DLG2: variants seen among roughly 807,000 people sequenced by gnomAD.
DLG2 encodes disks large homolog 2.
DLG2 carries 45 observed loss-of-function variants against 132.5 expected under a neutral mutation model. The ratio of observed to expected loss-of-function variants is 0.34; its 90% confidence interval spans 0.27 to 0.44. The LOEUF is 0.44. Among genes scored for constraint, DLG2 ranks in the 20% least tolerant of loss-of-function variants. The probability of loss-of-function intolerance (pLI) is 1.00; values close to 1 mark genes in which losing one functional copy is unlikely to be tolerated. For missense variants in DLG2, 1,045 were observed against 1,196.9 expected (o/e 0.87, Z 1.87); for synonymous variants, 424 against 419.6 (o/e 1.01, Z -0.13).
chr11:84,518,576 G>T (rs1458156367), intron 7 of DLG2, among the ~76,000 whole-genome samples: 1 of 152,052 alleles, frequency 6.6e-6, no homozygotes, highest in East Asian at 1.9e-4. Context: ...TATGATGCGT[G>T]CCTCGGAAGC....
Position 84,867,845 on chromosome 11 carries a change from C to T in DLG2, c.357+243816G>A, listed in dbSNP as rs1427780844. Among the ~76,000 whole-genome samples the T allele has an allele frequency of 3.9e-5, 6 of 152,028 alleles. No individual in the cohort carries two copies. In the South Asian group the frequency reaches 6.2e-4, roughly 16 times the overall value. ...ATCCCACCACTTTGGGAGGCCAAGG[C>T]GGGTGGATCACGAAGTCAGGAGATG... On this transcript the variant is annotated intron_variant, in intron 6 of 27. Transcript: ENST00000376104.
intron 16 of DLG2, among the ~76,000 whole-genome samples, chr11:83,838,094 T>A (rs1298514658): frequency 6.6e-6 from 1 of 152,158 alleles, no homozygotes; most frequent in Non-Finnish European, 1.5e-5. Flanking sequence ...CATTTGTCCC[T>A]GTGCTAGATA....
intron 3 of DLG2, among the ~76,000 whole-genome samples, chr11:85,360,962 C>T (rs181459753): frequency 6.6e-6 from 1 of 152,200 alleles, no homozygotes; most frequent in East Asian, 1.9e-4. Flanking sequence ...TATAGAGAGT[C>T]TCATTGTATG....
intron 10 of DLG2, among the ~76,000 whole-genome samples, chr11:84,080,395 T>C (rs2096885742): frequency 2.6e-5 from 4 of 152,184 alleles, no homozygotes; most frequent in Admixed American, 2.0e-4. Flanking sequence ...TCATATTCTT[T>C]TCTAAGTCAG....
chr11:83,471,435 A>G (rs1175507526), intron 24 of DLG2, among the ~76,000 whole-genome samples, 191 bp downstream of exon 24: 1 of 152,160 alleles, frequency 6.6e-6, no homozygotes, highest in Non-Finnish European at 1.5e-5. Context: ...TTTATTAAAT[A>G]CAGAATGACA....
chr11:84,829,951 CAG>C (rs72203199), intron 6 of DLG2, among the ~76,000 whole-genome samples: 210 of 151,684 alleles, frequency 1.4e-3, no homozygotes, highest in African/African-American at 4.9e-3. Flanking sequence ...GGATTTGAGG[CAG>C]AGAGTTTAAG....
chr11:84,634,377 T>C (rs1202190790), intron 6 of DLG2, among the ~76,000 whole-genome samples: 4 of 152,210 alleles, frequency 2.6e-5, no homozygotes, highest in Admixed American at 1.3e-4. Flanking sequence ...TTTAAGTTCA[T>C]GCTAAAGATT....
Position 83,655,366 on chromosome 11 carries a change from T to C in DLG2, c.1826-22041A>G, listed in dbSNP as rs550634552. ...TCCATTGGAATCATTGTGGAGATTA[T>C]GAGCATTATGATATAGACATTGTTA... On this transcript the variant is annotated intron_variant, in intron 18 of 27. Transcript: ENST00000376104. 9.3e-4 allele frequency among the ~76,000 whole-genome samples: 142 copies of C among 152,380 alleles called. 1 individual carries two copies. Among genetic ancestry groups the C allele is most frequent in the South Asian group, 8.5e-3 (41 of 4,828 alleles).
At chr11:84,383,244 C>T (rs141675916) in intron 7 of DLG2, among the ~76,000 whole-genome samples, 2,359 of 151,976 alleles carry the variant, frequency 0.016, 22 homozygotes, top group Middle Eastern at 0.045. Flanking sequence ...TGTGTTAGCA[C>T]GGCGTCCATT....
intron 11 of DLG2, among the ~76,000 whole-genome samples, chr11:84,000,683 C>T (rs1038975050): frequency 1.3e-5 from 2 of 152,096 alleles, no homozygotes; most frequent in African/African-American, 2.4e-5. Context: ...GAAACCATAC[C>T]GGGCAGGAGG....
chr11:84,159,864 G>T (rs1451254891), intron 9 of DLG2, among the ~76,000 whole-genome samples: 3 of 152,090 alleles, frequency 2.0e-5, no homozygotes, highest in Non-Finnish European at 4.4e-5. Context: ...GGTAGCACAA[G>T]CAGGACTTAC....
At chr11:83,740,804 C>T (rs2092442501) in intron 18 of DLG2, among the ~76,000 whole-genome samples, 1 of 152,206 alleles carries the variant, frequency 6.6e-6, no homozygotes. Context: ...GAAAAGTTTT[C>T]ATTGCTGTAT....
chr11:84,490,382 C>T (rs1454004752), intron 7 of DLG2, among the ~76,000 whole-genome samples: 1 of 152,044 alleles, frequency 6.6e-6, no homozygotes, highest in Admixed American at 6.6e-5. Flanking sequence ...AGATGAAATT[C>T]CCAGCTTCTA....
At chr11:84,960,436 T>TA (rs2052378901) in intron 6 of DLG2, among the ~76,000 whole-genome samples, 1 of 150,754 alleles carries the variant, frequency 6.6e-6, no homozygotes, top group South Asian at 2.1e-4. Context: ...TAAATTCTTT[T>TA]AACTTTTTTT....
At chr11:85,469,185 T>C (rs2092906159) in intron 3 of DLG2, among the ~76,000 whole-genome samples, 1 of 152,216 alleles carries the variant, frequency 6.6e-6, no homozygotes, top group Non-Finnish European at 1.5e-5. Context: ...ATAGCTCAAA[T>C]ATGACTGCTT....
chr11:83,822,848 A>C (rs192313948), intron 17 of DLG2, among the ~76,000 whole-genome samples: 1 of 152,096 alleles, frequency 6.6e-6, no homozygotes, highest in African/African-American at 2.4e-5. Context: ...AAATTCACCA[A>C]TCAAGCTCCC....
intron 6 of DLG2, among the ~76,000 whole-genome samples, chr11:84,833,415 T>A (rs1423988507): frequency 6.6e-6 from 1 of 151,556 alleles, no homozygotes. Context: ...CCCTAAAATG[T>A]GTCTCACCCC....
chr11:84,326,636 T>C (rs1373053064), intron 7 of DLG2, among the ~76,000 whole-genome samples: 1 of 152,226 alleles, frequency 6.6e-6, no homozygotes, highest in Non-Finnish European at 1.5e-5. Flanking sequence ...TTTTGAGACC[T>C]AATATGTCAT....
intron 16 of DLG2, among the ~76,000 whole-genome samples, chr11:83,866,752 T>G (rs2062464526): frequency 6.6e-6 from 1 of 152,132 alleles, no homozygotes; most frequent in African/African-American, 2.4e-5. Context: ...AGGGAGTATT[T>G]AAAAAATAAA....
Sources: gnomAD v4.1 joint callset for allele counts (sites outside exome capture counted in the v4.1 genomes callset) on GRCh38, gnomAD v4.1.1 for gene constraint, MANE v1.5 for transcripts, NCBI Gene and HGNC (gene_info 2026-07-23, HGNC 2026-07-21) for gene names.